CLCN6: variants seen among roughly 807,000 people sequenced by gnomAD.
The protein encoded by CLCN6 is H(+)/Cl(-) exchange transporter 6.
Under a neutral mutation model 109.8 loss-of-function variants are expected in CLCN6, and 70 were observed. The observed-to-expected ratio is 0.64, with a 90% CI of 0.53 to 0.78. The LOEUF (loss-of-function observed/expected upper bound fraction) is 0.78. CLCN6 is among the 30% of genes least tolerant of loss of function. CLCN6 has a pLI of 0.00. For missense variants in CLCN6, 984 were observed against 1,142.3 expected (o/e 0.86, Z 2.00); for synonymous variants, 444 against 447.8 (o/e 0.99, Z 0.11).
At chr1:11,818,691 T>A (rs1014046668) in intron 4 of CLCN6, among the ~76,000 whole-genome samples, 1 of 152,214 alleles carries the variant, frequency 6.6e-6, no homozygotes, top group African/African-American at 2.4e-5. Flanking sequence ...TCTTTCTAGT[T>A]CTCCTTTAAG....
At chr1:11,815,652 C>G (rs111650969) in intron 2 of CLCN6, among the ~76,000 whole-genome samples, 194 bp from the exon 3 acceptor site, 5,645 of 152,328 alleles carry the variant, frequency 0.037, 151 homozygotes, top group Middle Eastern at 0.078. Context: ...GCCTTGACCT[C>G]CCAAAGTGCT....
At position 11,819,391 on chromosome 1, in the gene CLCN6, A is replaced by G. The variant is rs532555921; in HGVS notation, c.280-97A>G. The G allele has an allele frequency of 2.7e-5, 29 of 1,059,276 alleles. No homozygotes were observed. The East Asian group carries it at 6.9e-4, about 25-fold the overall frequency. 65.6% of individuals were successfully genotyped at this position (1,059,276 alleles called of 1,614,324 possible). On this transcript the variant is annotated intron_variant, in intron 4 of 22. Coordinates refer to ENST00000346436, the MANE Select transcript of CLCN6 (RefSeq NM_001286.5). ...GCTGGTGAGCAGCCTCCGTATGTGC[A>G]GTGGGGGAGGAGATGCCTTCAAGAG... is the stretch of plus-strand genomic sequence containing the variant.
chr1:11,828,322 C>T, intron 11 of CLCN6, 103 bp downstream of exon 11: 1 of 1,429,534 alleles, frequency 7.0e-7, no homozygotes, highest in South Asian at 1.2e-5. Flanking sequence ...GTACAACTTC[C>T]AGGGACACAT....
At chr1:11,817,250 G>A (rs913704576) in intron 4 of CLCN6, among the ~76,000 whole-genome samples, 6 of 152,132 alleles carry the variant, frequency 3.9e-5, no homozygotes, top group East Asian at 1.9e-4. Context: ...GCATGAGATC[G>A]CTCTTTAGGG....
chr1:11,808,213 ATGTGTGTGTGTGTT>A (rs945640265), intron 2 of CLCN6, among the ~76,000 whole-genome samples: 35 of 123,540 alleles, frequency 2.8e-4, no homozygotes, highest in African/African-American at 9.7e-4. Context: ...TTTTTATTGT[ATGTGTGTGTGTGTT>A]TGTGTGTGTG....
chr1:11,827,225 A>G lies in CLCN6; in HGVS notation c.840+4A>G. The G allele has an allele frequency of 6.2e-7, 1 of 1,609,376 alleles. No homozygotes were observed. The highest frequency in any genetic ancestry group is 8.5e-7 in the Non-Finnish European group (1 of 1,177,034). On this transcript the variant is annotated splice_donor_region_variant and intron_variant, in intron 10 of 22. Coordinates refer to ENST00000346436, the MANE Select transcript of CLCN6 (RefSeq NM_001286.5). ...CCAAGGGCTCACGTGGAAAGTGGTG[A>G]GGAGGACCTTCAGTGAAAGCATTAA...
In CLCN6 at chr1:11,838,315, T is replaced by C. The variant is rs751511641; in HGVS notation, c.2296-20T>C. The C allele has an allele frequency of 4.3e-6, 7 of 1,610,666 alleles. No individual in the cohort carries two copies. The Admixed American group carries it at 8.3e-5, about 19-fold the overall frequency. ...GCCACTGCTGCCTGAGCACGGACAG[T>C]GTCTGGGTTGGAATTGCAGAGCGCC... is the stretch of plus-strand genomic sequence containing the variant. On this transcript the variant is annotated intron_variant, in intron 20 of 22. Transcript: ENST00000346436.
At chr1:11,806,542 T>A in intron 1 of CLCN6, 193 bp downstream of exon 1, 1 of 481,438 alleles carries the variant, frequency 2.1e-6, no homozygotes, top group Non-Finnish European at 3.6e-6. Flanking sequence ...TCATAACCCC[T>A]CCTGGAATCT....
chr1:11,833,081 GT>G (rs1470929290), intron 13 of CLCN6, among the ~76,000 whole-genome samples: 1 of 151,540 alleles, frequency 6.6e-6, no homozygotes, highest in Non-Finnish European at 1.5e-5. Context: ...TGGAACCAGA[GT>G]TGGGGCTTTC....
chr1:11,836,020 C>G lies in CLCN6; in HGVS notation c.1847C>G (p.Thr616Ser). The G allele has an allele frequency of 2.5e-6, 4 of 1,614,056 alleles. No homozygotes were observed. The highest frequency in any genetic ancestry group is 3.4e-6 in the Non-Finnish European group (4 of 1,180,000). ...EPNLTYVYPH[T>S]RIQSLVSILR... ...AACCTGACCTACGTCTACCCGCACA[C>G]CCGCATCCAGTCTCTGGTGAGCATC... The change falls in exon 18 of 23, where the codon ACC (threonine) becomes AGC (serine). Residue 616 changes from threonine to serine, a missense_variant. Physicochemically the swap from Thr to Ser is moderately conservative, Grantham distance 58 (BLOSUM62 1). Transcript: ENST00000346436.
rs61487985 is a variant in CLCN6 at position 11,812,664 on chromosome 1, TTGTGTGTGTGTG to T, written c.148-3146_148-3135del. Among the ~76,000 whole-genome samples the T allele has an allele frequency of 2.5e-3, 318 of 126,986 alleles. 1 individual carries two copies. Among genetic ancestry groups the T allele is most frequent in the South Asian group, 0.016 (60 of 3,708 alleles). The allele number at this position is 126,986 out of a possible 152,430, so 83.3% of individuals were successfully genotyped here. A position where few individuals can be genotyped will look rare whatever the true frequency, so the allele number is the denominator to read the frequency against. On this transcript the variant is annotated intron_variant, in intron 2 of 22. Transcript: ENST00000346436. ...AAAAAAAAAAAAAGACAAAGTATGT[TTGTGTGTGTGTG>T]TGTGTGTGTGTGTGTGTGTGTGTGT...
intron 13 of CLCN6, 119 bp downstream of exon 13, chr1:11,829,441 C>A: frequency 8.4e-7 from 1 of 1,193,514 alleles, no homozygotes; most frequent in Non-Finnish European, 1.2e-6. Context: ...CACCCATTAC[C>A]TGAGCGTTGA....
rs1176743101 is a variant in CLCN6 at position 11,829,336 on chromosome 1, A to G, written c.1248+14A>G. On this transcript the variant is annotated intron_variant, in intron 13 of 22. Transcript: ENST00000346436. ...TTCCAGCTCCAGGTAACCCCAGTGC[A>G]CCTGCTACCTTTATCCCATACCACG... The G allele has an allele frequency of 1.9e-6, 3 of 1,613,796 alleles. No individual in the cohort carries two copies. The highest frequency in any genetic ancestry group is 2.5e-6 in the Non-Finnish European group (3 of 1,179,860).
Position 11,822,714 on chromosome 1 carries a change from G to C in CLCN6, c.366G>C (p.Gln122His), listed in dbSNP as rs1258621304. ...CCGCAGCGGTGGAGGAGTGCAGCCA[G>C]AAAGGCTGCCTCGCTCTGTCTCTCC... ...VVQTSVEECSQKGCLALSLLE... is the reference protein window; with the variant it reads ...VVQTSVEECSHKGCLALSLLE... The change falls in exon 6 of 23, where the codon CAG becomes CAC. Residue 122 changes from glutamine (Q) to histidine (H), a missense_variant. By Grantham distance (24) the Gln-to-His change is conservative. Coordinates refer to ENST00000346436, the MANE Select transcript of CLCN6 (RefSeq NM_001286.5). The C allele has an allele frequency of 2.5e-6, 4 of 1,612,850 alleles. No individual in the cohort carries two copies. In the African/African-American group the frequency reaches 5.3e-5, roughly 22 times the overall value.
At position 11,838,748 on chromosome 1, in the gene CLCN6, C is replaced by T. The variant is rs780987300; in HGVS notation, c.2529+88C>T. 9 of 1,581,260 alleles carry T rather than the reference C, an allele frequency of 5.7e-6. No homozygotes were observed. In the Admixed American group the frequency reaches 6.7e-5, roughly 12 times the overall value. ...GTGCACCCAGGCTTCTCACCAGAAA[C>T]GTAGGCATCCCACCAGGAGGGGAGA... On this transcript the variant is annotated intron_variant, in intron 22 of 22. Transcript: ENST00000346436.
chr1:11,837,040 G>C lies in CLCN6; in HGVS notation c.2022G>C (p.Arg674=). The C allele has an allele frequency of 6.2e-7, 1 of 1,612,764 alleles. No individual in the cohort carries two copies. Among genetic ancestry groups the C allele is most frequent in the South Asian group, 1.1e-5 (1 of 91,088 alleles). The change falls in exon 19 of 23, where the codon CGG becomes CGC. Residue 674 remains arginine (R), a synonymous_variant. Coordinates refer to ENST00000346436, the MANE Select transcript of CLCN6 (RefSeq NM_001286.5). ...ILTRAGEQRK[R]SQSMKSYPSS... ...CCCGGGCTGGCGAGCAGCGCAAACG[G>C]AGCCAGTCCATGAAGTCCTACCCAT...
At chr1:11,813,640 C>T (rs1327164673) in intron 2 of CLCN6, among the ~76,000 whole-genome samples, 1 of 152,182 alleles carries the variant, frequency 6.6e-6, no homozygotes, top group Admixed American at 6.5e-5. Context: ...ATCCACCTAT[C>T]TCGGCCTCCC....
chr1:11,830,764 T>TATATATATAC (rs1202765592), intron 13 of CLCN6, among the ~76,000 whole-genome samples: 6 of 115,614 alleles, frequency 5.2e-5, no homozygotes, highest in Admixed American at 3.2e-4. Context: ...TATATATATA[T>TATATATATAC]ACACACACAC....
chr1:11,828,314 A>T, intron 11 of CLCN6, 95 bp downstream of exon 11: 2 of 1,432,552 alleles, frequency 1.4e-6, no homozygotes, highest in South Asian at 2.3e-5. Flanking sequence ...AGGGCTAGGT[A>T]CAACTTCCAG....
Sources: gnomAD v4.1 joint callset for allele counts (sites outside exome capture counted in the v4.1 genomes callset) on GRCh38, gnomAD v4.1.1 for gene constraint, MANE v1.5 for transcripts, NCBI Gene and HGNC (gene_info 2026-07-23, HGNC 2026-07-21) for gene names.